The following PANX1 variants were observed in gnomAD, a reference collection of about 807,000 sequenced individuals.
PANX1 encodes pannexin-1.
A neutral mutation model predicts 38.7 loss-of-function variants in PANX1; 30 were observed. That is an observed-to-expected ratio of 0.78 (90% confidence interval 0.58 to 1.05). The LOEUF (loss-of-function observed/expected upper bound fraction) is 1.05. Among genes scored for constraint, PANX1 ranks in the 50% least tolerant of loss-of-function variants. The pLI is 0.00. For missense variants in PANX1, 551 were observed against 517.2 expected (o/e 1.07, Z -0.63); for synonymous variants, 230 against 212.2 (o/e 1.08, Z -0.73).
chr11:94,157,631 A>G (rs372550647), intron 2 of PANX1, among the ~76,000 whole-genome samples: 8,415 of 151,936 alleles, frequency 0.055, 798 homozygotes, highest in African/African-American at 0.19. Flanking sequence ...TAGATTCTGG[A>G]TATTAGCCCT....
At chr11:94,162,100 C>G (rs1333954460) in intron 2 of PANX1, among the ~76,000 whole-genome samples, 2 of 152,164 alleles carry the variant, frequency 1.3e-5, no homozygotes, top group South Asian at 2.1e-4. Flanking sequence ...AGAGGAGTAC[C>G]TGGTTGTGTG....
chr11:94,139,880 T>C (rs938555891), intron 1 of PANX1, among the ~76,000 whole-genome samples: 2 of 152,204 alleles, frequency 1.3e-5, no homozygotes, highest in Non-Finnish European at 2.9e-5. Flanking sequence ...AAAAGATCCT[T>C]TTTCGTAAAT....
At chr11:94,159,250 G>C (rs1006590112) in intron 2 of PANX1, among the ~76,000 whole-genome samples, 1 of 152,140 alleles carries the variant, frequency 6.6e-6, no homozygotes, top group Non-Finnish European at 1.5e-5. Flanking sequence ...TTGGTATCAG[G>C]ATGATGCTGG....
chr11:94,179,988 TC>T lies in PANX1; in HGVS notation c.934del (p.Leu312SerfsTer17). The T allele has an allele frequency of 6.3e-7, 1 of 1,595,252 alleles. No homozygotes were observed. Among genetic ancestry groups the T allele is most frequent in the East Asian group, 2.2e-5 (1 of 44,558 alleles). ...ACAGATGTTCTCAAAGTGTACGAAA[TC>T]CTCCCCACTTTTGATGTTCTGCATT... ...QKTDVLKVYE[I>X]LPTFDVLHFK... On this transcript the variant is annotated frameshift_variant, in exon 4 of 5. Coordinates refer to ENST00000227638, the MANE Select transcript of PANX1 (RefSeq NM_015368.4). LOFTEE classifies it high-confidence loss of function.
chr11:94,161,175 A>G (rs995832540), intron 2 of PANX1, among the ~76,000 whole-genome samples: 1 of 151,832 alleles, frequency 6.6e-6, no homozygotes, highest in Non-Finnish European at 1.5e-5. Flanking sequence ...CTTCATTTCA[A>G]CTTTGGTGAA....
At position 94,139,213 on chromosome 11, in the gene PANX1, T is replaced by A. The variant is rs1334508733; in HGVS notation, c.181+9720T>A. Among the ~76,000 whole-genome samples, 3 of 152,198 alleles carry A rather than the reference T, an allele frequency of 2.0e-5. No individual in the cohort carries two copies. In the East Asian group the frequency reaches 5.8e-4, roughly 29 times the overall value. On this transcript the variant is annotated intron_variant, in intron 1 of 4. Transcript: ENST00000227638. The stretch of plus-strand genomic sequence containing the variant: ...GCTTTCATACTGGCTTGTTTTTAGA[T>A]GTGAGTAGATACCTAGGTAAATTAA...
At chr11:94,166,494 C>T (rs1947102385) in intron 2 of PANX1, among the ~76,000 whole-genome samples, 1 of 152,180 alleles carries the variant, frequency 6.6e-6, no homozygotes, top group South Asian at 2.1e-4. Context: ...CCCTCCTGGA[C>T]TGTAAGGTTT....
intron 2 of PANX1, among the ~76,000 whole-genome samples, chr11:94,166,967 C>G (rs1393826540): frequency 6.6e-6 from 1 of 150,612 alleles, no homozygotes; most frequent in African/African-American, 2.4e-5. Context: ...CTGATTGGCA[C>G]TCAGATTTAT....
At chr11:94,153,694 G>A in intron 2 of PANX1, 64 bp downstream of exon 2, 1 of 1,490,834 alleles carries the variant, frequency 6.7e-7, no homozygotes, top group Non-Finnish European at 9.1e-7. Context: ...AAAGCCCAGG[G>A]AGGCTATGCC....
rs1947247630 is a variant in PANX1 at position 94,177,508 on chromosome 11, T to C, written c.322-861T>C. 2.0e-5 allele frequency among the ~76,000 whole-genome samples: 3 copies of C among 152,108 alleles called. 1 individual carries two copies. The South Asian group carries it at 6.2e-4, about 32-fold the overall frequency. Reference sequence around the variant, plus strand: ...GTCGCAGCTACTTAGTTCTGCAGAGTAGACATGATTGCCCAAGGCCGCAAT... The same window carrying C: ...GTCGCAGCTACTTAGTTCTGCAGAGCAGACATGATTGCCCAAGGCCGCAAT... On this transcript the variant is annotated intron_variant, in intron 2 of 4. Transcript: ENST00000227638.
Position 94,169,401 on chromosome 11 carries a change from G to A in PANX1, c.322-8968G>A, listed in dbSNP as rs185947708. 8.6e-5 allele frequency among the ~76,000 whole-genome samples: 13 copies of A among 151,824 alleles called. 1 individual carries two copies. The highest frequency in any genetic ancestry group is 7.7e-4 in the East Asian group (4 of 5,178). On this transcript the variant is annotated intron_variant, in intron 2 of 4. Transcript: ENST00000227638. ...CTGCCAAGAGTGCGAGTAAGGTGAG[G>A]ACTGAGACTTAGGCTAACTCTACAT...
rs767770975 is a variant in PANX1 at position 94,179,967 on chromosome 11, A to G, written c.911A>G (p.Asp304Gly). Residue 304 changes from aspartate (D) to glycine (G), a missense_variant, in exon 4 of 5, where the codon GAT becomes GGT. Asp to Gly is a moderately conservative substitution (Grantham distance 94). Transcript: ENST00000227638. ...TTTGTTCCATTCCGACAGAAGACAGATGTTCTCAAAGTGTACGAAATCCTC... is the reference window on the plus strand; with the variant it reads ...TTTGTTCCATTCCGACAGAAGACAGGTGTTCTCAAAGTGTACGAAATCCTC... The part of the protein sequence containing the change: ...TLFVPFRQKT[D>G]VLKVYEILPT... The G allele has an allele frequency of 4.4e-6, 7 of 1,598,608 alleles. No homozygotes were observed. The highest frequency in any genetic ancestry group is 2.2e-5 in the South Asian group (2 of 88,984).
chr11:94,155,022 A>G (rs556272865), intron 2 of PANX1, among the ~76,000 whole-genome samples: 3 of 152,310 alleles, frequency 2.0e-5, no homozygotes, highest in Non-Finnish European at 4.4e-5. Context: ...CCTGGCCAAC[A>G]TGGTAAAACC....
At chr11:94,133,790 C>T (rs947425128) in intron 1 of PANX1, among the ~76,000 whole-genome samples, 3 of 152,160 alleles carry the variant, frequency 2.0e-5, no homozygotes, top group Admixed American at 2.0e-4. Context: ...CCTCATTTTT[C>T]CTTCCTCTTG....
chr11:94,164,606 G>A (rs1220290645), intron 2 of PANX1, among the ~76,000 whole-genome samples: 1 of 152,188 alleles, frequency 6.6e-6, no homozygotes, highest in Non-Finnish European at 1.5e-5. Context: ...GGCCTAACAT[G>A]TGGTCTATCT....
chr11:94,146,429 T>C (rs1252483438), intron 1 of PANX1, among the ~76,000 whole-genome samples: 1 of 152,232 alleles, frequency 6.6e-6, no homozygotes, highest in Non-Finnish European at 1.5e-5. Context: ...ATATTGACCC[T>C]GTCTGCGAGG....
At chr11:94,170,546 T>G (rs1269900603) in intron 2 of PANX1, among the ~76,000 whole-genome samples, 6 of 151,840 alleles carry the variant, frequency 4.0e-5, no homozygotes, top group Non-Finnish European at 5.9e-5. Context: ...TTGTTTCTTT[T>G]GGATACATAC....
intron 1 of PANX1, among the ~76,000 whole-genome samples, chr11:94,138,859 C>A (rs1267276461): frequency 6.6e-6 from 1 of 152,074 alleles, no homozygotes; most frequent in Non-Finnish European, 1.5e-5. Context: ...TCAAAACTAC[C>A]CATCTTTTAA....
intron 2 of PANX1, among the ~76,000 whole-genome samples, chr11:94,173,755 T>C (rs1947196923): frequency 6.6e-6 from 1 of 151,746 alleles, no homozygotes; most frequent in African/African-American, 2.4e-5. Flanking sequence ...TTTTCTGGAA[T>C]ATATTTGATT....
Sources: allele counts gnomAD v4.1 joint callset (sites outside exome capture counted in the v4.1 genomes callset), GRCh38; gene constraint gnomAD v4.1.1; transcripts MANE v1.5; gene names NCBI Gene and HGNC (gene_info 2026-07-23, HGNC 2026-07-21).